Variants in MYT1L observed in about 807,000 individuals in gnomAD.
MYT1L encodes the protein myelin transcription factor 1-like protein.
A neutral mutation model predicts 126.7 loss-of-function variants in MYT1L; 12 were observed. The observed-to-expected ratio is 0.09, with a 90% CI of 0.06 to 0.15. MYT1L has a LOEUF of 0.15. Among genes scored for constraint, MYT1L ranks in the 10% least tolerant of loss-of-function variants. The probability of loss-of-function intolerance (pLI) is 1.00; values close to 1 mark genes in which losing one functional copy is unlikely to be tolerated. For synonymous variants in MYT1L, 541 were observed against 604.2 expected, an observed-to-expected ratio of 0.90 and a Z score of 1.53; for missense variants, 979 against 1,585.2, an observed-to-expected ratio of 0.62 and a Z score of 6.49.
intron 21 of MYT1L, among the ~76,000 whole-genome samples, chr2:1,822,265 T>C (rs961895294): frequency 6.6e-6 from 1 of 152,148 alleles, no homozygotes; most frequent in Admixed American, 6.5e-5. Flanking sequence ...ATTTGTGGGT[T>C]TATAAGAGGA....
chr2:2,142,782 G>A (rs1438537901), intron 3 of MYT1L, among the ~76,000 whole-genome samples: 2 of 151,848 alleles, frequency 1.3e-5, no homozygotes, highest in Non-Finnish European at 2.9e-5. Context: ...TGCCTCCTGG[G>A]TTCAAGTGAT....
rs545779036 is a variant in MYT1L, at chr2:1,945,320, G to A, written c.153-1986C>T. 4.6e-5 allele frequency among the ~76,000 whole-genome samples: 7 copies of A among 152,342 alleles called. No individual in the cohort carries two copies. In the South Asian group the frequency reaches 8.3e-4, roughly 18 times the overall value. On this transcript the variant is annotated intron_variant, in intron 8 of 24. Coordinates refer to ENST00000647738, the MANE Select transcript of MYT1L (RefSeq NM_001303052.2). The stretch of plus-strand genomic sequence containing the variant: ...CAGAAGAGAGGAGGTGCAGGCTAGA[G>A]ATGCGGGGAGCAGAAGACAGCCAGC...
In MYT1L at chr2:1,892,815, C is replaced by T. The variant is rs535750455; in HGVS notation, c.2033-528G>A. ...CTGTTCCTTTCAGCCAGAGGGGCCC[C>T]GGCAGCCACCTTCTGGGCCTGTGGG... On this transcript the variant is annotated intron_variant, in intron 14 of 24. Transcript: ENST00000647738. Among the ~76,000 whole-genome samples the T allele has an allele frequency of 7.2e-5, 11 of 152,282 alleles. No individual in the cohort carries two copies. The East Asian group carries it at 7.7e-4, about 11-fold the overall frequency.
At chr2:2,055,128 A>G (rs1281914756) in intron 3 of MYT1L, among the ~76,000 whole-genome samples, 1 of 152,246 alleles carries the variant, frequency 6.6e-6, no homozygotes, top group Non-Finnish European at 1.5e-5. Context: ...ACAAAACTAT[A>G]TTCTTATAAA....
rs2241684 is a variant in MYT1L at position 1,910,102 on chromosome 2, C to A, written c.1817+138G>T. 25,171 of 745,990 alleles carry A rather than the reference C, an allele frequency of 0.034. 546 individuals are homozygous for A. Among genetic ancestry groups the A allele is most frequent in the South Asian group, 0.053 (2,918 of 55,258 alleles). 46.2% of individuals were successfully genotyped at this position (745,990 alleles called of 1,614,324 possible). On this transcript the variant is annotated intron_variant, in intron 13 of 24. Coordinates refer to ENST00000647738, the MANE Select transcript of MYT1L (RefSeq NM_001303052.2). This position sits in a 1 kb window ranked among gnomAD's most constrained non-coding sequence, Gnocchi z 4.8. Reference sequence around the variant, plus strand: ...GGCCTGGAGTGAGGGGTCCTGGCCCCGGCTTCCAGCACAGCCCCGCCCTCC... The same window carrying A: ...GGCCTGGAGTGAGGGGTCCTGGCCCAGGCTTCCAGCACAGCCCCGCCCTCC...
Position 2,061,070 on chromosome 2 carries a change from A to G in MYT1L, c.-303-6947T>C, listed in dbSNP as rs73911314. 8.5e-3 allele frequency among the ~76,000 whole-genome samples: 1,293 copies of G among 152,268 alleles called. 19 individuals carry two copies. Among genetic ancestry groups the G allele is most frequent in the African/African-American group, 0.026 (1,082 of 41,546 alleles). ...AGAATCAGAGAAATAGTGATCTGCA[A>G]TGGGAAGGTTTTGATTAATAGACGT... On this transcript the variant is annotated intron_variant, in intron 3 of 24. Coordinates refer to ENST00000647738, the MANE Select transcript of MYT1L (RefSeq NM_001303052.2).
chr2:1,942,583 T>C (rs576194531), intron 9 of MYT1L, among the ~76,000 whole-genome samples: 32 of 152,342 alleles, frequency 2.1e-4, no homozygotes, highest in Admixed American at 8.5e-4. Flanking sequence ...GTACCTGGGC[T>C]AAGCCATTCC....
At chr2:1,841,578 G>A (rs62114685) in intron 19 of MYT1L, 8,283 of 152,342 alleles carry the variant, frequency 0.054, 246 homozygotes, top group South Asian at 0.1. Context: ...GGTGGGCTAG[G>A]ATGCTGTGAA....
rs186635444 is a variant in MYT1L, at chr2:1,853,106, C to A, written c.2712-1403G>T. 1.1e-4 allele frequency among the ~76,000 whole-genome samples: 17 copies of A among 152,312 alleles called. No homozygotes were observed. The East Asian group carries it at 3.1e-3, about 28-fold the overall frequency. ...TCTCCTTTAGTCCTAAGAAAGGGAA[C>A]AGAACTCTAGATCTCAGGGTATAGA... On this transcript the variant is annotated intron_variant, in intron 18 of 24. Transcript: ENST00000647738.
chr2:2,276,981 T>TA (rs1302382606), intron 2 of MYT1L, among the ~76,000 whole-genome samples: 1 of 151,164 alleles, frequency 6.6e-6, no homozygotes, highest in Non-Finnish European at 1.5e-5. Context: ...ATTCTTTTTT[T>TA]TTCTCTTTTT....
chr2:1,889,531 C>T lies in MYT1L; in HGVS notation c.2284-54G>A, dbSNP rs1022051484. 10 of 1,378,794 alleles carry T rather than the reference C, an allele frequency of 7.3e-6. No homozygotes were observed. The highest frequency in any genetic ancestry group is 7.2e-5 in the African/African-American group (5 of 69,706). 85.4% of individuals were successfully genotyped at this position (1,378,794 alleles called of 1,614,324 possible). Reference sequence around the variant, plus strand: ...CTTGGCCCGGCATCTTGTGACACCACGAGTCCTTCCTCCCAGATTACAGTC... The same window carrying T: ...CTTGGCCCGGCATCTTGTGACACCATGAGTCCTTCCTCCCAGATTACAGTC... On this transcript the variant is annotated intron_variant, in intron 15 of 24. Coordinates refer to ENST00000647738, the MANE Select transcript of MYT1L (RefSeq NM_001303052.2). The surrounding 1 kb of genome is among the most constrained non-coding windows in gnomAD (Gnocchi z 4.1).
intron 3 of MYT1L, among the ~76,000 whole-genome samples, chr2:2,083,213 G>A (rs562866369): frequency 5.9e-5 from 9 of 152,294 alleles, no homozygotes; most frequent in East Asian, 1.9e-4. Context: ...TAAGTGCTGC[G>A]GCTTTTCTCA....
rs1050725147 is a variant in MYT1L at position 2,110,458 on chromosome 2, C to T, written c.-303-56335G>A. 2.0e-5 allele frequency among the ~76,000 whole-genome samples: 3 copies of T among 152,114 alleles called. No homozygotes were observed. In the South Asian group the frequency reaches 6.2e-4, roughly 32 times the overall value. ...TCTGTTTTTACCACTTCAGAATAAC[C>T]TCCAAGTTTCCCAAAGCCAGGGGTC... On this transcript the variant is annotated intron_variant, in intron 3 of 24. Transcript: ENST00000647738.
chr2:2,244,905 GA>G (rs1463471953), intron 2 of MYT1L, among the ~76,000 whole-genome samples: 2 of 152,168 alleles, frequency 1.3e-5, no homozygotes, highest in African/African-American at 4.8e-5. Context: ...ATATTATTTT[GA>G]GGTCCTTATT....
At chr2:1,856,877 GACAGAGGCC>G (rs2043981874) in intron 18 of MYT1L, among the ~76,000 whole-genome samples, 1 of 152,226 alleles carries the variant, frequency 6.6e-6, no homozygotes, top group South Asian at 2.1e-4. Flanking sequence ...GACTCCTGGA[GACAGAGGCC>G]AGGAAAGAGC....
At chr2:2,038,654 G>T (rs184432318) in intron 4 of MYT1L, among the ~76,000 whole-genome samples, 1 of 151,876 alleles carries the variant, frequency 6.6e-6, no homozygotes, top group East Asian at 1.9e-4. Flanking sequence ...ATGTGACGTT[G>T]CTTGTTTGCT....
In MYT1L at chr2:1,886,555, T is replaced by C; in HGVS notation, c.2695A>G (p.Ser899Gly). The C allele has an allele frequency of 6.3e-7, 1 of 1,579,406 alleles. No individual in the cohort carries two copies. The highest frequency in any genetic ancestry group is 8.6e-7 in the Non-Finnish European group (1 of 1,163,206). The part of the protein sequence containing the change: ...DKSIRSMLAT[S>G]SQELKCPTPG... ...AAATCTTACTTGAGTTCTTGGGAGC[T>C]GGTGGCCAGCATACTTCGAATGCTT... Residue 899 changes from serine to glycine, a missense_variant, in exon 18 of 25, where the codon AGC becomes GGC. Ser to Gly is a moderately conservative substitution (Grantham distance 56). Transcript: ENST00000647738.
At chr2:1,902,792 A>G in intron 14 of MYT1L, 1 of 420,644 alleles carries the variant, frequency 2.4e-6, no homozygotes. Flanking sequence ...AAAAGACAAT[A>G]AGCCAGTCCA....
In MYT1L at chr2:2,059,479, C is replaced by T. The variant is rs1303444723; in HGVS notation, c.-303-5356G>A. The stretch of plus-strand genomic sequence containing the variant: ...TGTTGATGAGCAGAGCCCCCTGGAA[C>T]CAGGTGCATTGCCCAGTGCTGGCGG... On this transcript the variant is annotated intron_variant, in intron 3 of 24. Transcript: ENST00000647738. The surrounding 1 kb of genome is among the most constrained non-coding windows in gnomAD (Gnocchi z 4.7). 6.6e-6 allele frequency among the ~76,000 whole-genome samples: 1 copy of T among 151,952 alleles called. No individual in the cohort carries two copies. The highest frequency in any genetic ancestry group is 2.4e-5 in the African/African-American group (1 of 41,194).
Sources: allele counts gnomAD v4.1 joint callset (sites outside exome capture counted in the v4.1 genomes callset), GRCh38; gene constraint gnomAD v4.1.1; non-coding constraint Gnocchi (gnomAD v3.1); transcripts MANE v1.5; gene names NCBI Gene and HGNC (gene_info 2026-07-23, HGNC 2026-07-21).